Variants in ARAP2 observed in about 807,000 individuals in gnomAD.
ARAP2 encodes ArfGAP with RhoGAP domain, ankyrin repeat and PH domain 2, also known as arf-GAP with Rho-GAP domain, ANK repeat and PH domain-containing protein 2.
A neutral mutation model predicts 194.5 loss-of-function variants in ARAP2; 148 were observed. That is an observed-to-expected ratio of 0.76 (90% CI 0.67 to 0.87). The LOEUF is 0.87. ARAP2 is among the 40% of genes least tolerant of loss of function. The pLI, the probability that ARAP2 is intolerant of heterozygous loss-of-function variation, is 0.00. For synonymous variants in ARAP2, 695 were observed against 683.5 expected (o/e 1.02, Z -0.26); for missense variants, 2,128 against 1,989.7 (o/e 1.07, Z -1.32).
chr4:36,228,645 G>C lies in ARAP2; in HGVS notation c.842C>G (p.Ser281Cys). The C allele has an allele frequency of 6.2e-7, 1 of 1,614,044 alleles. No homozygotes were observed. The highest frequency in any genetic ancestry group is 8.5e-7 in the Non-Finnish European group (1 of 1,179,958). Residue 281 changes from serine (S) to cysteine (C), a missense_variant, in exon 2 of 33, where the codon TCT becomes TGT. Physicochemically the swap from Ser to Cys is moderately radical, Grantham distance 112. Coordinates refer to ENST00000303965, the MANE Select transcript of ARAP2 (RefSeq NM_015230.4). Reference sequence around the variant, plus strand: ...TACAGGTCGATGTCTTAGCAGAAAAGATCGAGATGGTCTTGAAACCAACTT... The same window carrying C: ...TACAGGTCGATGTCTTAGCAGAAAACATCGAGATGGTCTTGAAACCAACTT... ...RSKLVSRPSR[S>C]FLLRHRPVPE...
intron 1 of ARAP2, among the ~76,000 whole-genome samples, chr4:36,243,171 T>C (rs546419957): frequency 6.6e-6 from 1 of 152,110 alleles, no homozygotes; most frequent in Non-Finnish European, 1.5e-5. Flanking sequence ...TCCAATTACT[T>C]ACGGGCAAAG....
chr4:36,217,130 C>T (rs1263857947), intron 2 of ARAP2, among the ~76,000 whole-genome samples: 7 of 152,208 alleles, frequency 4.6e-5, no homozygotes, highest in African/African-American at 1.7e-4. Flanking sequence ...CATAGGTTTA[C>T]ATATCTTTCA....
intron 5 of ARAP2, among the ~76,000 whole-genome samples, chr4:36,039,129 C>T (rs1720412646): frequency 6.6e-6 from 1 of 152,102 alleles, no homozygotes; most frequent in Admixed American, 6.6e-5. Flanking sequence ...GGAAGAAAAC[C>T]ATTCATGGGG....
chr4:36,028,296 ACTC>A (rs1362150432), intron 5 of ARAP2, among the ~76,000 whole-genome samples: 2 of 152,090 alleles, frequency 1.3e-5, no homozygotes, highest in East Asian at 3.9e-4. Context: ...TGCGGTAAGA[ACTC>A]CTCTATGAAA....
chr4:36,233,143 A>G (rs1402516489), intron 1 of ARAP2, among the ~76,000 whole-genome samples: 1 of 152,198 alleles, frequency 6.6e-6, no homozygotes, highest in Non-Finnish European at 1.5e-5. Flanking sequence ...AACTGTCTGA[A>G]CACCCAAGAG....
At chr4:36,091,524 C>T (rs546380603) in intron 28 of ARAP2, among the ~76,000 whole-genome samples, 3 of 152,176 alleles carry the variant, frequency 2.0e-5, no homozygotes, top group East Asian at 3.9e-4. Flanking sequence ...CATTTTATTG[C>T]ACCTTTTATT....
At chr4:36,193,703 T>A in intron 6 of ARAP2, 56 bp from the exon 7 acceptor site, 8 of 1,292,300 alleles carry the variant, frequency 6.2e-6, no homozygotes, top group Non-Finnish European at 7.7e-6. Context: ...CTTAGATTGT[T>A]AAATTCATTT....
At chr4:36,138,646 C>A (rs1226144959) in intron 19 of ARAP2, among the ~76,000 whole-genome samples, 1 of 151,584 alleles carries the variant, frequency 6.6e-6, no homozygotes, top group Non-Finnish European at 1.5e-5. Flanking sequence ...CACTTTATAT[C>A]ATAAATAAAG....
intron 9 of ARAP2, among the ~76,000 whole-genome samples, chr4:36,011,210 G>C (rs768921085): frequency 2.6e-5 from 4 of 151,974 alleles, no homozygotes; most frequent in Non-Finnish European, 5.9e-5. Context: ...TTTTAGTTTT[G>C]TTACTGAAGC....
At chr4:36,041,302 G>A (rs1423979292) in intron 5 of ARAP2, among the ~76,000 whole-genome samples, 1 of 151,856 alleles carries the variant, frequency 6.6e-6, no homozygotes, top group Non-Finnish European at 1.5e-5. Flanking sequence ...CTAATACCCA[G>A]CATCAATAAA....
In ARAP2 at chr4:36,121,212, C is replaced by T. The variant is rs748489259; in HGVS notation, c.3861G>A (p.Glu1287=). The change falls in exon 23 of 33, where the codon GAG becomes GAA. Residue 1287 remains glutamate (E), a synonymous_variant. Coordinates refer to ENST00000303965, the MANE Select transcript of ARAP2 (RefSeq NM_015230.4). ...TTTCTACATAATTATTAATTAGGTC[C>T]TCAATTACATTCACTTCTTCACTAG... ...GQTSEEVNVI[E]DLINNYVEIF... 13 of 1,601,554 alleles carry T rather than the reference C, an allele frequency of 8.1e-6. No homozygotes were observed. The East Asian group carries it at 2.5e-4, about 31-fold the overall frequency.
intron 3 of ARAP2, among the ~76,000 whole-genome samples, chr4:36,051,145 T>C (rs1457184125): frequency 6.6e-6 from 1 of 152,200 alleles, no homozygotes; most frequent in Non-Finnish European, 1.5e-5. Flanking sequence ...CAGCTAATCT[T>C]CTTACTAACT....
chr4:36,232,215 C>T (rs1751615829), intron 1 of ARAP2, among the ~76,000 whole-genome samples: 1 of 152,196 alleles, frequency 6.6e-6, no homozygotes, highest in South Asian at 2.1e-4. Flanking sequence ...ATACACTTCT[C>T]CATCCTCACT....
chr4:36,227,785 C>T (rs952755961), intron 2 of ARAP2, among the ~76,000 whole-genome samples: 7 of 152,168 alleles, frequency 4.6e-5, no homozygotes, highest in Non-Finnish European at 1.0e-4. Flanking sequence ...AAGCAATATC[C>T]TACTCCAACC....
chr4:36,071,699 TTTC>T (rs1245759462), intron 32 of ARAP2, among the ~76,000 whole-genome samples: 63 of 150,986 alleles, frequency 4.2e-4, no homozygotes, highest in Admixed American at 2.6e-3. Context: ...TTTAATTTTT[TTTC>T]TTTTTTTTTT....
In ARAP2 at chr4:36,228,684, A is replaced by T; in HGVS notation, c.803T>A (p.Val268Glu). 1 of 1,614,106 alleles carries T rather than the reference A, an allele frequency of 6.2e-7. No individual in the cohort carries two copies. The highest frequency in any genetic ancestry group is 1.3e-5 in the African/African-American group (1 of 75,036). ...TGAAACCAACTTGCTACGACTTCTC[A>T]CAGGTGCTAGGATTGGTGATGATGG... The part of the protein sequence containing the change: ...YVPSSPILAP[V>E]RSRSKLVSRP... The change falls in exon 2 of 33, where the codon GTG becomes GAG. Residue 268 changes from valine (V) to glutamate (E), a missense_variant. Val to Glu is a moderately radical substitution (Grantham distance 121). Coordinates refer to ENST00000303965, the MANE Select transcript of ARAP2 (RefSeq NM_015230.4).
rs548540469 is a variant in ARAP2, at chr4:36,224,922, G to A, written c.905+3660C>T. Among the ~76,000 whole-genome samples the A allele has an allele frequency of 3.9e-5, 6 of 152,262 alleles. No individual in the cohort carries two copies. In the South Asian group the frequency reaches 1.2e-3, roughly 32 times the overall value. On this transcript the variant is annotated intron_variant, in intron 2 of 32. Transcript: ENST00000303965. ...TTCTTATTCAGTGCAGCAAACAAATGCTGATTACTTTTCTGTACTTTTTGC... is the reference window on the plus strand; with the variant it reads ...TTCTTATTCAGTGCAGCAAACAAATACTGATTACTTTTCTGTACTTTTTGC...
chr4:36,146,260 C>T (rs527477599), intron 19 of ARAP2, among the ~76,000 whole-genome samples: 2 of 152,126 alleles, frequency 1.3e-5, no homozygotes, highest in Admixed American at 6.6e-5. Flanking sequence ...CCTGACTAAA[C>T]ACCCACTTTC....
intron 1 of ARAP2, among the ~76,000 whole-genome samples, chr4:36,242,795 C>T (rs968345537): frequency 2.0e-5 from 3 of 152,294 alleles, no homozygotes; most frequent in East Asian, 3.9e-4. Flanking sequence ...AACACAAGCA[C>T]ACACCCATAT....
Sources: allele counts gnomAD v4.1 joint callset (sites outside exome capture counted in the v4.1 genomes callset), GRCh38; gene constraint gnomAD v4.1.1; transcripts MANE v1.5; gene names NCBI Gene and HGNC (gene_info 2026-07-23, HGNC 2026-07-21).